The following RREB1 variants were observed in gnomAD, a reference collection of about 807,000 sequenced individuals.
The protein encoded by RREB1 is ras-responsive element-binding protein 1.
RREB1 carries 27 observed loss-of-function variants against 117.8 expected under a neutral mutation model. The ratio of observed to expected loss-of-function variants is 0.23; its 90% CI spans 0.17 to 0.32. The LOEUF is 0.32. Among genes scored for constraint, RREB1 ranks in the 10% least tolerant of loss-of-function variants. The pLI, the probability that RREB1 is intolerant of heterozygous loss-of-function variation, is 1.00. For missense variants in RREB1, 2,577 were observed against 2,378.2 expected (o/e 1.08, Z -1.74); for synonymous variants, 1,298 against 1,026.7 (o/e 1.26, Z -5.05).
intron 1 of RREB1, among the ~76,000 whole-genome samples, chr6:7,160,298 T>A (rs1162047202): frequency 6.6e-6 from 1 of 152,108 alleles, no homozygotes; most frequent in Non-Finnish European, 1.5e-5. Flanking sequence ...TAGTTGGGTC[T>A]TTCTGGTATA....
rs202229448 is a variant in RREB1 at position 7,231,760 on chromosome 6, G to A, written c.3661G>A (p.Glu1221Lys). The A allele has an allele frequency of 2.3e-5, 37 of 1,613,876 alleles. No individual in the cohort carries two copies. The East Asian group carries it at 7.6e-4, about 33-fold the overall frequency. The change falls in exon 10 of 13, where the codon GAA becomes AAA. Residue 1221 changes from glutamate (E) to lysine (K), a missense_variant. Glu to Lys is a moderately conservative substitution (Grantham distance 56). Transcript: ENST00000379938. Reference sequence around the variant, plus strand: ...TGCCGACCACCATGGGCCCAGTGATGAAGAGCAGGGCAGTCCCCCAGAAGA... The same window carrying A: ...TGCCGACCACCATGGGCCCAGTGATAAAGAGCAGGGCAGTCCCCCAGAAGA... ...APADHHGPSD[E>K]EQGSPPEDKL...
At chr6:7,115,475 C>T (rs776238361) in intron 1 of RREB1, among the ~76,000 whole-genome samples, 1 of 151,728 alleles carries the variant, frequency 6.6e-6, no homozygotes, top group Non-Finnish European at 1.5e-5. Flanking sequence ...GCAGAGTCAC[C>T]CCTAGAGTGG....
intron 1 of RREB1, among the ~76,000 whole-genome samples, chr6:7,132,445 C>T (rs560891636): frequency 2.9e-4 from 44 of 152,180 alleles, no homozygotes; most frequent in Admixed American, 1.7e-3. Context: ...GGATTAGAGA[C>T]GTGAGCCACC....
chr6:7,190,902 T>C (rs1397911993), intron 6 of RREB1, among the ~76,000 whole-genome samples: 1 of 152,192 alleles, frequency 6.6e-6, no homozygotes, highest in Non-Finnish European at 1.5e-5. Context: ...TCAGTGGAAC[T>C]CCCCATGGGC....
chr6:7,206,506 G>A (rs555177458), intron 6 of RREB1, among the ~76,000 whole-genome samples: 1 of 152,282 alleles, frequency 6.6e-6, no homozygotes, highest in East Asian at 1.9e-4. Flanking sequence ...CAGCAATTTA[G>A]CAGATACTTA....
At chr6:7,221,447 C>T (rs1767253726) in intron 8 of RREB1, among the ~76,000 whole-genome samples, 1 of 152,234 alleles carries the variant, frequency 6.6e-6, no homozygotes, top group East Asian at 1.9e-4. Context: ...GCTGGGATTA[C>T]AGGCGTGAGC....
intron 11 of RREB1, among the ~76,000 whole-genome samples, chr6:7,241,760 G>C (rs944288276): frequency 3.9e-5 from 6 of 152,158 alleles, no homozygotes; most frequent in African/African-American, 1.4e-4. Flanking sequence ...GAGTGCTCTT[G>C]ACTGCCCAAC....
Position 7,150,878 on chromosome 6 carries a change from G to A in RREB1, c.-284-25777G>A, listed in dbSNP as rs563078959. Among the ~76,000 whole-genome samples the A allele has an allele frequency of 2.6e-5, 4 of 152,342 alleles. No individual in the cohort carries two copies. In the East Asian group the frequency reaches 5.8e-4, roughly 22 times the overall value. On this transcript the variant is annotated intron_variant, in intron 1 of 12. Coordinates refer to ENST00000379938, the MANE Select transcript of RREB1 (RefSeq NM_001003699.4). The stretch of plus-strand genomic sequence containing the variant: ...TGCTTGTAACATCCGCCGGGTAGGC[G>A]GAGCCTCAAGGACACATGTTGAGAG...
In RREB1 at chr6:7,230,023, C is replaced by T; in HGVS notation, c.1924C>T (p.Leu642Phe). 1 of 1,611,206 alleles carries T rather than the reference C, an allele frequency of 6.2e-7. No individual in the cohort carries two copies. The highest frequency in any genetic ancestry group is 8.5e-7 in the Non-Finnish European group (1 of 1,178,148). Residue 642 changes from leucine to phenylalanine, a missense_variant, in exon 10 of 13, where the codon CTC (leucine) becomes TTC (phenylalanine). Leu to Phe is a conservative substitution (Grantham distance 22). Transcript: ENST00000379938. The part of the protein sequence containing the change: ...GKKTPAMRKV[L>F]YPCRFCNQVF... ...GAAGACGCCCGCCATGCGCAAGGTG[C>T]TCTACCCCTGCCGCTTCTGCAACCA...
intron 1 of RREB1, among the ~76,000 whole-genome samples, chr6:7,173,323 C>A (rs964733014): frequency 1.3e-5 from 2 of 152,002 alleles, no homozygotes; most frequent in Non-Finnish European, 2.9e-5. Flanking sequence ...TCGAGACCAC[C>A]CTGGCAAACA....
At chr6:7,181,671 C>G (rs1764800794) in intron 3 of RREB1, 199 bp from the exon 4 acceptor site, 1 of 609,814 alleles carries the variant, frequency 1.6e-6, no homozygotes, top group Non-Finnish European at 2.9e-6. Flanking sequence ...GGCAAGGTTA[C>G]TTCGTCCTTG....
In RREB1 at chr6:7,229,173, G is replaced by A. The variant is rs774662855; in HGVS notation, c.1074G>A (p.Leu358=). ...CCACGCCCCTGCCTGGTGACGCCCT[G>A]GACCAGAAGGGCTTCCTGGCCTTGC... ...PQATPLPGDA[L]DQKGFLALLG... The change falls in exon 10 of 13, where the codon CTG becomes CTA. Residue 358 remains leucine (L), a synonymous_variant. Coordinates refer to ENST00000379938, the MANE Select transcript of RREB1 (RefSeq NM_001003699.4). The surrounding 1 kb of genome is among the most constrained non-coding windows in gnomAD (Gnocchi z 4.5). The A allele has an allele frequency of 7.5e-6, 12 of 1,610,424 alleles. No individual in the cohort carries two copies. In the Admixed American group the frequency reaches 1.8e-4, roughly 25 times the overall value.
intron 1 of RREB1, among the ~76,000 whole-genome samples, chr6:7,124,383 T>C (rs189972632): frequency 1.3e-5 from 2 of 152,354 alleles, no homozygotes; most frequent in Non-Finnish European, 2.9e-5. Flanking sequence ...TTGTTATCTT[T>C]GCAGGAAGTG....
chr6:7,154,035 G>C (rs142617660), intron 1 of RREB1, among the ~76,000 whole-genome samples: 9 of 152,350 alleles, frequency 5.9e-5, no homozygotes, highest in African/African-American at 1.9e-4. Flanking sequence ...GACTAGTCAT[G>C]TGACCTGCCT....
chr6:7,210,895 A>G lies in RREB1; in HGVS notation c.517A>G (p.Lys173Glu), dbSNP rs1184134381. 6.2e-7 allele frequency: 1 copy of G among 1,614,214 alleles called. No homozygotes were observed. Among genetic ancestry groups the G allele is most frequent in the Non-Finnish European group, 8.5e-7 (1 of 1,180,022 alleles). The change falls in exon 7 of 13, where the codon AAA becomes GAA. Residue 173 changes from lysine to glutamate, a missense_variant. Physicochemically the swap from Lys to Glu is moderately conservative, Grantham distance 56. Transcript: ENST00000379938. ...ACGTAGGCGATTGTCCTCCAAGAGG[A>G]AACTGAGTCACGATGCCGAGTCAGA... ...LKRRRLSSKR[K>E]LSHDAESERE...
chr6:7,216,393 C>T (rs1766902079), intron 8 of RREB1: 1 of 152,098 alleles, frequency 6.6e-6, no homozygotes, highest in Non-Finnish European at 1.5e-5. Flanking sequence ...CTTCATTGAC[C>T]CTGGTCATCT....
chr6:7,115,349 C>T (rs1400338335), intron 1 of RREB1, among the ~76,000 whole-genome samples: 3 of 151,306 alleles, frequency 2.0e-5, no homozygotes, highest in African/African-American at 7.3e-5. Flanking sequence ...GACCCTTGGC[C>T]TTCCCCCCCA....
chr6:7,241,471 C>G (rs1181756305), intron 11 of RREB1, among the ~76,000 whole-genome samples: 1 of 152,114 alleles, frequency 6.6e-6, no homozygotes, highest in East Asian at 1.9e-4. Context: ...TCTTGAAAAC[C>G]TGACACTATC....
At position 7,231,548 on chromosome 6, in the gene RREB1, C is replaced by G; in HGVS notation, c.3449C>G (p.Ser1150Trp). 1 of 1,609,598 alleles carries G rather than the reference C, an allele frequency of 6.2e-7. No individual in the cohort carries two copies. Among genetic ancestry groups the G allele is most frequent in the Non-Finnish European group, 8.5e-7 (1 of 1,178,350 alleles). Reference protein sequence around the residue: ...SPTEQGPAGTSKKRGRKRGMR... With the variant: ...SPTEQGPAGTWKKRGRKRGMR... ...ACCGAGCAGGGCCCAGCGGGCACGT[C>G]GAAGAAGAGGGGCCGGAAAAGGGGG... Residue 1150 changes from serine to tryptophan, a missense_variant, in exon 10 of 13, where the codon TCG becomes TGG. Transcript: ENST00000379938.
Sources: allele counts gnomAD v4.1 joint callset (sites outside exome capture counted in the v4.1 genomes callset), GRCh38; gene constraint gnomAD v4.1.1; non-coding constraint Gnocchi (gnomAD v3.1); transcripts MANE v1.5; gene names NCBI Gene and HGNC (gene_info 2026-07-23, HGNC 2026-07-21).